Variants in TASOR2 observed in about 807,000 individuals in gnomAD.
TASOR2 encodes protein TASOR 2.
In TASOR2, 84 loss-of-function variants were observed where a neutral mutation model predicts 199.5. The ratio of observed to expected loss-of-function variants is 0.42; its 90% CI spans 0.35 to 0.50. The LOEUF is 0.50. Ranked by LOEUF, TASOR2 falls within the 20% of genes least tolerant of loss-of-function variation. The pLI is 0.02. For synonymous variants in TASOR2, 1,103 were observed against 1,046.6 expected (o/e 1.05, Z -1.04); for missense variants, 2,796 against 2,835.9 (o/e 0.99, Z 0.32).
chr10:5,747,567 G>A, exon 15 of TASOR2: 1 of 1,614,140 alleles, frequency 6.2e-7, no homozygotes, highest in Middle Eastern at 1.6e-4. Context: ...AGATTGCAGA[G>A]GAAATTAATG....
In TASOR2 at chr10:5,754,133, C is replaced by T. The variant is rs140289462; in HGVS notation, c.6607-2480C>T. 1.8e-4 allele frequency among the ~76,000 whole-genome samples: 27 copies of T among 152,152 alleles called. No homozygotes were observed. Among genetic ancestry groups the T allele is most frequent in the African/African-American group, 3.4e-4 (14 of 41,502 alleles). ...CAGCCTAGCCAATATAGTGAAACCC[C>T]GTCTCTACTAAAAATAAAAAAATTA... is the stretch of plus-strand genomic sequence containing the variant. On this transcript the variant is annotated intron_variant, in intron 15 of 20. Transcript: ENST00000328090. The surrounding 1 kb of genome is among the most constrained non-coding windows in gnomAD (Gnocchi z 4.3).
At chr10:5,761,649 T>G (rs1311209594) in intron 19 of TASOR2, 178 bp downstream of exon 20, 1 of 600,534 alleles carries the variant, frequency 1.7e-6, no homozygotes, top group Non-Finnish European at 2.9e-6. Flanking sequence ...TATTTGCAGG[T>G]AACTACACAA....
At chr10:5,714,992 CAG>C (rs1057391179) in intron 2 of TASOR2, among the ~76,000 whole-genome samples, 2 of 152,014 alleles carry the variant, frequency 1.3e-5, no homozygotes, top group African/African-American at 4.8e-5. Flanking sequence ...ATGGCAAAAA[CAG>C]AACTTTTGGG....
Position 5,761,606 on chromosome 10 carries a change from C to T in TASOR2, c.7174+135C>T, listed in dbSNP as rs1007051086. 4.2e-6 allele frequency: 3 copies of T among 706,678 alleles called. No individual in the cohort carries two copies. The South Asian group carries it at 5.4e-5, about 13-fold the overall frequency. 43.8% of individuals were successfully genotyped at this position (706,678 alleles called of 1,614,324 possible). On this transcript the variant is annotated intron_variant, in intron 19 of 20. Transcript: ENST00000328090. ...CCATGGATACCAGAATCACCCAAAT[C>T]TGCTGAAGCTGAAGCCCTTATATAA...
Position 5,690,095 on chromosome 10 carries a change from C to G in TASOR2, c.-288+4920C>G, listed in dbSNP as rs976830785. On this transcript the variant is annotated intron_variant, in intron 1 of 20. Coordinates refer to ENST00000328090, the Ensembl canonical transcript of TASOR2. This position sits in a 1 kb window ranked among gnomAD's most constrained non-coding sequence, Gnocchi z 4.8. ...ATCTTCCTTGTATTTGTGGTTGTATCGTCTTTGCTTTCAATATTTAATTTT... is the reference window on the plus strand; with the variant it reads ...ATCTTCCTTGTATTTGTGGTTGTATGGTCTTTGCTTTCAATATTTAATTTT... 3.3e-5 allele frequency among the ~76,000 whole-genome samples: 5 copies of G among 151,920 alleles called. No individual in the cohort carries two copies. The highest frequency in any genetic ancestry group is 1.2e-4 in the African/African-American group (5 of 41,370).
At position 5,710,109 on chromosome 10, in the gene TASOR2, G is replaced by T. The variant is rs1337214476; in HGVS notation, c.-287-2714G>T. Among the ~76,000 whole-genome samples the T allele has an allele frequency of 6.6e-6, 1 of 152,074 alleles. No individual in the cohort carries two copies. Among genetic ancestry groups the T allele is most frequent in the Non-Finnish European group, 1.5e-5 (1 of 67,974 alleles). On this transcript the variant is annotated intron_variant, in intron 1 of 20. Coordinates refer to ENST00000328090, the Ensembl canonical transcript of TASOR2. This position sits in a 1 kb window ranked among gnomAD's most constrained non-coding sequence, Gnocchi z 4.6. ...CATTCATTCATAAAGTGTTTGTATT[G>T]TTTGGTGCACTGATTGGACTCTCAA...
At chr10:5,728,465 G>A (rs574758878) in intron 10 of TASOR2, among the ~76,000 whole-genome samples, 4 of 151,922 alleles carry the variant, frequency 2.6e-5, no homozygotes, top group East Asian at 1.9e-4. Flanking sequence ...GTGAAACCCC[G>A]TCTCTACTAA....
rs371516797 is a variant in TASOR2, at chr10:5,748,201, A to C, written c.4780A>C (p.Thr1594Pro). ...GTCTTTGTCTGACACATTGGTTTCC[A>C]CAACTGCACCAAGTGGTATAGTGAA... is the stretch of plus-strand genomic sequence containing the variant. Residue 1594 changes from threonine (T) to proline (P), a missense_variant, in exon 15 of 21, where the codon ACA becomes CCA. By Grantham distance (38) the Thr-to-Pro change is conservative. Coordinates refer to ENST00000328090, the Ensembl canonical transcript of TASOR2. The surrounding 1 kb of genome is among the most constrained non-coding windows in gnomAD (Gnocchi z 5.1). The C allele has an allele frequency of 1.5e-5, 25 of 1,614,140 alleles. No individual in the cohort carries two copies. Among genetic ancestry groups the C allele is most frequent in the Non-Finnish European group, 2.1e-5 (25 of 1,180,054 alleles).
chr10:5,726,487 T>C (rs1834075049), intron 8 of TASOR2, among the ~76,000 whole-genome samples: 1 of 152,254 alleles, frequency 6.6e-6, no homozygotes, highest in African/African-American at 2.4e-5. Context: ...ATAATTTTCA[T>C]GTAAATATGA....
chr10:5,727,475 A>G (rs1176573930), intron 10 of TASOR2, among the ~76,000 whole-genome samples: 1 of 152,156 alleles, frequency 6.6e-6, no homozygotes, highest in East Asian at 1.9e-4. Flanking sequence ...TCTGGACCTT[A>G]TCTGTTAGTC....
rs187054931 is a variant in TASOR2, at chr10:5,711,361, T to A, written c.-287-1462T>A. Among the ~76,000 whole-genome samples, 97 of 152,242 alleles carry A rather than the reference T, an allele frequency of 6.4e-4. 1 individual carries two copies. Among genetic ancestry groups the A allele is most frequent in the Admixed American group, 5.8e-3 (88 of 15,284 alleles). On this transcript the variant is annotated intron_variant, in intron 1 of 20. Coordinates refer to ENST00000328090, the Ensembl canonical transcript of TASOR2. ...TCTTTAATTTTTGAACTTTAATACA[T>A]TTGGCAGTTTTGGTAAAAGTAGGAA...
chr10:5,761,201 CAT>C (rs1476663725), intron 18 of TASOR2, 87 bp from the exon 20 acceptor site: 2 of 1,126,816 alleles, frequency 1.8e-6, no homozygotes, highest in East Asian at 2.4e-5. Context: ...CAGAGGAACT[CAT>C]GAGTTTGAAT....
Position 5,720,711 on chromosome 10 carries a change from T to C in TASOR2, c.26+43T>C, listed in dbSNP as rs929629896. On this transcript the variant is annotated intron_variant, in intron 4 of 20. Transcript: ENST00000328090. The surrounding 1 kb of genome is among the most constrained non-coding windows in gnomAD (Gnocchi z 5.3). ...TGCTTTGTTTTACTGAATTTGTTCC[T>C]TTTACTCTTGTAAACATGTTCTTTT... The C allele has an allele frequency of 3.1e-6, 5 of 1,613,988 alleles. No individual in the cohort carries two copies. Among genetic ancestry groups the C allele is most frequent in the Non-Finnish European group, 4.2e-6 (5 of 1,179,958 alleles).
Position 5,699,467 on chromosome 10 carries a change from G to T in TASOR2, c.-287-13356G>T, listed in dbSNP as rs566123302. The T allele has an allele frequency of 6.6e-6, 1 of 152,206 alleles. No individual in the cohort carries two copies. Among genetic ancestry groups the T allele is most frequent in the African/African-American group, 2.4e-5 (1 of 41,556 alleles). The allele number at this position is 152,206 out of a possible 1,614,324, so 9.4% of individuals were successfully genotyped here. ...TGGATATACTAAAAGCAATTGAATTGTACACTTTATGTGGGTGAATTGTAT... is the reference window on the plus strand; with the variant it reads ...TGGATATACTAAAAGCAATTGAATTTTACACTTTATGTGGGTGAATTGTAT... On this transcript the variant is annotated intron_variant, in intron 1 of 20. Transcript: ENST00000328090. This position sits in a 1 kb window ranked among gnomAD's most constrained non-coding sequence, Gnocchi z 4.1.
chr10:5,693,573 T>A (rs537316621), intron 1 of TASOR2, among the ~76,000 whole-genome samples: 8 of 152,212 alleles, frequency 5.3e-5, no homozygotes, highest in Admixed American at 5.2e-4. Flanking sequence ...TTTCTTCATT[T>A]AAAAAAAACC....
exon 8 of TASOR2, chr10:5,724,448 G>C (rs972693853): frequency 1.3e-6 from 2 of 1,536,730 alleles, no homozygotes; most frequent in Non-Finnish European, 1.7e-6. Flanking sequence ...CAAGATTTGT[G>C]CTTCAATTTG....
chr10:5,718,744 A>G (rs1291112210), intron 3 of TASOR2, among the ~76,000 whole-genome samples: 1 of 139,852 alleles, frequency 7.2e-6, no homozygotes, highest in Non-Finnish European at 1.5e-5. Context: ...GGGTAACAAG[A>G]ACAAAAAACT....
chr10:5,745,326 T>C (rs746004357), intron 14 of TASOR2, among the ~76,000 whole-genome samples: 1 of 152,090 alleles, frequency 6.6e-6, no homozygotes, highest in Non-Finnish European at 1.5e-5. Flanking sequence ...GCAAAGAAGA[T>C]AGCTAAGGGA....
At chr10:5,686,119 A>C (rs1381215550) in intron 1 of TASOR2, among the ~76,000 whole-genome samples, 1 of 152,214 alleles carries the variant, frequency 6.6e-6, no homozygotes, top group Admixed American at 6.5e-5. Flanking sequence ...TGTATGCGGT[A>C]TGTCCTGTAC....
Sources: allele counts gnomAD v4.1 joint callset (sites outside exome capture counted in the v4.1 genomes callset), GRCh38; gene constraint gnomAD v4.1.1; non-coding constraint Gnocchi (gnomAD v3.1); transcripts MANE v1.5; gene names NCBI Gene and HGNC (gene_info 2026-07-23, HGNC 2026-07-21).